GRHL2: variants seen among roughly 807,000 people sequenced by gnomAD.
The protein encoded by GRHL2 is grainyhead-like protein 2 homolog.
In GRHL2, 21 loss-of-function variants were observed where a neutral mutation model predicts 83.8. The observed-to-expected ratio is 0.25, with a 90% CI of 0.18 to 0.36. The LOEUF (loss-of-function observed/expected upper bound fraction) is 0.36. Among genes scored for constraint, GRHL2 ranks in the 10% least tolerant of loss-of-function variants. The pLI, the probability that GRHL2 is intolerant of heterozygous loss-of-function variation, is 1.00. For synonymous variants in GRHL2, 280 were observed against 278.9 expected, an observed-to-expected ratio of 1.00 and a Z score of -0.04; for missense variants, 623 against 781.8, an observed-to-expected ratio of 0.80 and a Z score of 2.42.
chr8:101,532,504 C>A (rs1653585929), intron 1 of GRHL2, among the ~76,000 whole-genome samples: 1 of 152,156 alleles, frequency 6.6e-6, no homozygotes, highest in Non-Finnish European at 1.5e-5. Context: ...GTTATCCCAG[C>A]ACTTTAGGAG....
intron 1 of GRHL2, among the ~76,000 whole-genome samples, chr8:101,515,468 G>A (rs2130024687): frequency 6.6e-6 from 1 of 152,286 alleles, no homozygotes; most frequent in Non-Finnish European, 1.5e-5. Flanking sequence ...AATGGGACCA[G>A]GAAGCCTATG....
intron 1 of GRHL2, among the ~76,000 whole-genome samples, chr8:101,533,596 G>C (rs1810982882): frequency 6.6e-6 from 1 of 152,198 alleles, no homozygotes; most frequent in South Asian, 2.1e-4. Context: ...GGAGGTGATG[G>C]CTGTTATGGA....
At chr8:101,651,213 A>G (rs1813615846) in intron 14 of GRHL2, among the ~76,000 whole-genome samples, 1 of 152,236 alleles carries the variant, frequency 6.6e-6, no homozygotes, top group Non-Finnish European at 1.5e-5. Flanking sequence ...AACTTTGGAT[A>G]ATTTCATACT....
At chr8:101,650,686 T>G (rs1813603852) in intron 14 of GRHL2, among the ~76,000 whole-genome samples, 1 of 151,878 alleles carries the variant, frequency 6.6e-6, no homozygotes, top group East Asian at 1.9e-4. Context: ...TAATGGGTTT[T>G]CTTTGGGGGG....
chr8:101,540,606 A>G (rs182494142), intron 1 of GRHL2, among the ~76,000 whole-genome samples: 109 of 152,144 alleles, frequency 7.2e-4, no homozygotes, highest in Middle Eastern at 3.4e-3. Flanking sequence ...AACATATCTT[A>G]CCAATGTCAG....
intron 1 of GRHL2, among the ~76,000 whole-genome samples, chr8:101,494,300 G>T (rs904495925): frequency 6.6e-6 from 1 of 152,218 alleles, no homozygotes; most frequent in Non-Finnish European, 1.5e-5. Context: ...GCCGCTGGCA[G>T]GTTAGGCGAA....
the GRHL2 span, among the ~76,000 whole-genome samples, chr8:101,675,939 G>A: frequency 6.6e-6 from 1 of 152,134 alleles, no homozygotes; most frequent in Non-Finnish European, 1.5e-5. Context: ...TGACAAACCT[G>A]AGAAAAACAA....
intron 8 of GRHL2, among the ~76,000 whole-genome samples, chr8:101,610,297 G>A (rs1366317026): frequency 6.6e-6 from 1 of 150,914 alleles, no homozygotes; most frequent in Non-Finnish European, 1.5e-5. Flanking sequence ...ATCTACCTTT[G>A]GATCATTTGA....
intron 11 of GRHL2, among the ~76,000 whole-genome samples, chr8:101,633,938 C>A (rs954739754): frequency 6.6e-5 from 10 of 152,140 alleles, no homozygotes; most frequent in African/African-American, 2.4e-4. Flanking sequence ...AAGATTTCTC[C>A]AAAATATACA....
chr8:101,545,925 A>G (rs965845682), intron 2 of GRHL2, among the ~76,000 whole-genome samples: 1 of 114,834 alleles, frequency 8.7e-6, no homozygotes, highest in African/African-American at 3.5e-5. Context: ...CTCTGTCACC[A>G]GGCTGGAGTG....
chr8:101,677,200 C>CT, the GRHL2 span, among the ~76,000 whole-genome samples: 2 of 127,492 alleles, frequency 1.6e-5, no homozygotes, highest in Non-Finnish European at 3.3e-5. Flanking sequence ...TACCCTAAAA[C>CT]TTAAATAATA....
At chr8:101,528,978 A>G in intron 1 of GRHL2, 1 of 346,628 alleles carries the variant, frequency 2.9e-6, no homozygotes, top group South Asian at 2.4e-5. Flanking sequence ...GGACTTGTTC[A>G]GCCCTCTTCT....
chr8:101,657,021 A>G (rs1440464141), intron 14 of GRHL2, among the ~76,000 whole-genome samples: 1 of 152,206 alleles, frequency 6.6e-6, no homozygotes, highest in East Asian at 1.9e-4. Flanking sequence ...TGATGTCTAC[A>G]AAGAAAAAGG....
chr8:101,526,415 C>T (rs751361894), intron 1 of GRHL2, among the ~76,000 whole-genome samples: 11 of 151,786 alleles, frequency 7.2e-5, no homozygotes, highest in Middle Eastern at 3.4e-3. Flanking sequence ...TGTTAATGTG[C>T]TTCATGATAC....
chr8:101,559,089 A>G (rs781257175), intron 4 of GRHL2, among the ~76,000 whole-genome samples: 5 of 152,166 alleles, frequency 3.3e-5, no homozygotes, highest in African/African-American at 1.2e-4. Context: ...CTAAATATTT[A>G]TGAGAAATTA....
chr8:101,655,976 T>G (rs1813776622), intron 14 of GRHL2, among the ~76,000 whole-genome samples: 1 of 152,230 alleles, frequency 6.6e-6, no homozygotes, highest in Non-Finnish European at 1.5e-5. Flanking sequence ...TGCTGTTCCC[T>G]CTGCCTGAAA....
At chr8:101,665,489 C>T (rs1222164059) in intron 15 of GRHL2, among the ~76,000 whole-genome samples, 1 of 152,176 alleles carries the variant, frequency 6.6e-6, no homozygotes, top group African/African-American at 2.4e-5. Flanking sequence ...TCCACCTGAG[C>T]TCTTGTTGGA....
At chr8:101,518,920 G>A in intron 1 of GRHL2, among the ~76,000 whole-genome samples, 1 of 152,188 alleles carries the variant, frequency 6.6e-6, no homozygotes, top group South Asian at 2.1e-4. Flanking sequence ...GCTGCTGTTT[G>A]TGAGGCACAT....
In GRHL2 at chr8:101,666,727, G is replaced by T. The variant is rs749960865; in HGVS notation, c.*24G>T. On this transcript the variant is annotated 3_prime_UTR_variant, in exon 16 of 16. Transcript: ENST00000646743. ...AGCCCTGGGTTTGGCATCCGCTTTG[G>T]CTGGAGCTCTCAGTGCGTTCCTCCC... The T allele has an allele frequency of 2.8e-6, 4 of 1,441,978 alleles. No homozygotes were observed. Among genetic ancestry groups the T allele is most frequent in the Non-Finnish European group, 3.9e-6 (4 of 1,023,476 alleles). The allele number at this position is 1,441,978 out of a possible 1,614,324, so 89.3% of individuals were successfully genotyped here.
Sources: allele counts gnomAD v4.1 joint callset (sites outside exome capture counted in the v4.1 genomes callset), GRCh38; gene constraint gnomAD v4.1.1; transcripts MANE v1.5; gene names NCBI Gene and HGNC (gene_info 2026-07-23, HGNC 2026-07-21).